The following MARK2 variants were observed in gnomAD, a reference collection of about 807,000 sequenced individuals.
MARK2 encodes serine/threonine-protein kinase MARK2.
In MARK2, 16 loss-of-function variants were observed where a neutral mutation model predicts 89.8. The ratio of observed to expected loss-of-function variants is 0.18; its 90% CI spans 0.12 to 0.27. The LOEUF is 0.27. Among genes scored for constraint, MARK2 ranks in the 10% least tolerant of loss-of-function variants. The pLI, the probability that MARK2 is intolerant of heterozygous loss-of-function variation, is 1.00. For synonymous variants in MARK2, 382 were observed against 399.5 expected (o/e 0.96, Z 0.52); for missense variants, 621 against 1,049.9 (o/e 0.59, Z 5.65).
chr11:63,876,376 T>C (rs1387902695), intron 1 of MARK2, among the ~76,000 whole-genome samples: 1 of 152,272 alleles, frequency 6.6e-6, no homozygotes, highest in Non-Finnish European at 1.5e-5. Flanking sequence ...AAAGGATATG[T>C]AATTATAGAA....
chr11:63,893,952 T>C (rs1199011149), intron 1 of MARK2, among the ~76,000 whole-genome samples: 1 of 152,196 alleles, frequency 6.6e-6, no homozygotes, highest in African/African-American at 2.4e-5. Context: ...TCCAAAACAA[T>C]TTAAAATCTG....
At position 63,900,039 on chromosome 11, in the gene MARK2, G is replaced by A. The variant is rs1476842866; in HGVS notation, c.697G>A (p.Val233Met). ...AAAATATGATGGACCCGAGGTGGAT[G>A]TGTGGAGCCTAGGAGTTATCCTCTA... Reference protein sequence around the residue: ...GKKYDGPEVDVWSLGVILYTL... With the variant: ...GKKYDGPEVDMWSLGVILYTL... The change falls in exon 8 of 19, where the codon GTG becomes ATG. Residue 233 changes from valine to methionine, a missense_variant. By Grantham distance (21) the Val-to-Met change is conservative. This residue lies in a region of MARK2 where 82 missense variants were observed against 287.7 expected (regional missense o/e 0.29). Coordinates refer to ENST00000402010, the MANE Select transcript of MARK2 (RefSeq NM_001039469.3). The surrounding 1 kb of genome is among the most constrained non-coding windows in gnomAD (Gnocchi z 4.7). 2 of 1,614,246 alleles carry A rather than the reference G, an allele frequency of 1.2e-6. No individual in the cohort carries two copies. The highest frequency in any genetic ancestry group is 1.7e-6 in the Non-Finnish European group (2 of 1,180,048).
rs745714945 is a variant in MARK2, at chr11:63,909,001, A to T, written c.2131A>T (p.Met711Leu). ...TTSSMEPNEM[M>L]REIRKVLDAN... Reference sequence around the variant, plus strand: ...GAGCTCCATGGAGCCCAACGAGATGATGCGGGAGATCCGCAAGGTGCTGGA... The same window carrying T: ...GAGCTCCATGGAGCCCAACGAGATGTTGCGGGAGATCCGCAAGGTGCTGGA... The change falls in exon 19 of 19, where the codon ATG (methionine) becomes TTG (leucine). Residue 711 changes from methionine to leucine, a missense_variant. Coordinates refer to ENST00000402010, the MANE Select transcript of MARK2 (RefSeq NM_001039469.3). 3.2e-6 allele frequency: 5 copies of T among 1,583,424 alleles called. No homozygotes were observed. Among genetic ancestry groups the T allele is most frequent in the Non-Finnish European group, 4.3e-6 (5 of 1,155,508 alleles).
At position 63,904,072 on chromosome 11, in the gene MARK2, T is replaced by C. The variant is rs1464148812; in HGVS notation, c.1601T>C (p.Met534Thr). ...AARPRQHQKSMSASVHPNKAS... is the reference protein window; with the variant it reads ...AARPRQHQKSTSASVHPNKAS... Reference sequence around the variant, plus strand: ...CGGCCCCGCCAGCACCAGAAATCCATGTCGGCCTCCGTGCACCCCAACAAG... The same window carrying C: ...CGGCCCCGCCAGCACCAGAAATCCACGTCGGCCTCCGTGCACCCCAACAAG... Residue 534 changes from methionine (M) to threonine (T), a missense_variant, in exon 15 of 19, where the codon ATG (methionine) becomes ACG (threonine). By Grantham distance (81) the Met-to-Thr change is moderately conservative (BLOSUM62 -1). Coordinates refer to ENST00000402010, the MANE Select transcript of MARK2 (RefSeq NM_001039469.3). The surrounding 1 kb of genome is among the most constrained non-coding windows in gnomAD (Gnocchi z 6.3). The C allele has an allele frequency of 3.1e-6, 5 of 1,607,228 alleles. No individual in the cohort carries two copies. The highest frequency in any genetic ancestry group is 1.7e-5 in the Admixed American group (1 of 59,920).
Position 63,906,121 on chromosome 11 carries a change from G to T in MARK2, c.1961+7G>T. ...CTTTCAGGTTTGCCAGAAGGTAGGC[G>T]TTGAGCCCGCTGTGTGTGTGTGTGT... On this transcript the variant is annotated splice_region_variant and intron_variant, in intron 17 of 18. Transcript: ENST00000402010. 1 of 1,313,660 alleles carries T rather than the reference G, an allele frequency of 7.6e-7. No homozygotes were observed. 81.4% of individuals were successfully genotyped at this position (1,313,660 alleles called of 1,614,324 possible).
At chr11:63,874,906 T>C (rs1043936046) in intron 1 of MARK2, among the ~76,000 whole-genome samples, 1 of 152,154 alleles carries the variant, frequency 6.6e-6, no homozygotes, top group Non-Finnish European at 1.5e-5. Context: ...GGGAAAAGTC[T>C]GTTCCCATGG....
At position 63,900,497 on chromosome 11, in the gene MARK2, A is replaced by G. The variant is rs1408535532; in HGVS notation, c.769-62A>G. 13 of 1,579,352 alleles carry G rather than the reference A, an allele frequency of 8.2e-6. No homozygotes were observed. Among genetic ancestry groups the G allele is most frequent in the South Asian group, 1.1e-5 (1 of 88,194 alleles). On this transcript the variant is annotated intron_variant, in intron 8 of 18. Transcript: ENST00000402010. The surrounding 1 kb of genome is among the most constrained non-coding windows in gnomAD (Gnocchi z 4.7). ...GGCTTAAGCTCTCAGGATCTTGGAT[A>G]TTAGGTTTCTTCCTTTGGCCTTGGG...
Position 63,888,616 on chromosome 11 carries a change from C to A in MARK2, c.55-6543C>A, listed in dbSNP as rs545525681. 5 of 1,145,962 alleles carry A rather than the reference C, an allele frequency of 4.4e-6. No homozygotes were observed. The African/African-American group carries it at 6.5e-5, about 15-fold the overall frequency. The allele number at this position is 1,145,962 out of a possible 1,614,324, so 71.0% of individuals were successfully genotyped here. ...TCTGGTGTGCTGTCCTGGAATTGCA[C>A]GCGCTTCCTGACCACCAGGCTCTGG... On this transcript the variant is annotated intron_variant, in intron 1 of 18. Coordinates refer to ENST00000402010, the MANE Select transcript of MARK2 (RefSeq NM_001039469.3).
chr11:63,877,508 G>A (rs1020180295), intron 1 of MARK2, among the ~76,000 whole-genome samples: 1 of 151,922 alleles, frequency 6.6e-6, no homozygotes, highest in African/African-American at 2.4e-5. Flanking sequence ...AGAGGAGCTT[G>A]GGCAACATGG....
chr11:63,873,007 G>T (rs189023955), intron 1 of MARK2, among the ~76,000 whole-genome samples: 26 of 151,412 alleles, frequency 1.7e-4, no homozygotes, highest in Admixed American at 7.9e-4. Context: ...ATTCCGGGGC[G>T]CATGAGTATG....
chr11:63,862,443 G>A (rs1296902133), intron 1 of MARK2, among the ~76,000 whole-genome samples: 1 of 138,604 alleles, frequency 7.2e-6, no homozygotes, highest in African/African-American at 2.6e-5. Flanking sequence ...CTCCCAGTCA[G>A]TGTGAGGCAG....
intron 1 of MARK2, among the ~76,000 whole-genome samples, chr11:63,858,635 G>A (rs1364876888): frequency 1.3e-5 from 2 of 152,210 alleles, no homozygotes; most frequent in African/African-American, 4.8e-5. Context: ...TTACAGGCCT[G>A]AGCCACTGTG....
At position 63,901,010 on chromosome 11, in the gene MARK2, G is replaced by A; in HGVS notation, c.1042G>A (p.Gly348Ser). The change falls in exon 11 of 19, where the codon GGC becomes AGC. Residue 348 changes from glycine to serine, a missense_variant. Physicochemically the swap from Gly to Ser is moderately conservative, Grantham distance 56. This residue lies in a region of MARK2 where 397 missense variants were observed against 567.8 expected (regional missense o/e 0.70). Transcript: ENST00000402010. ...TREEIQDSLV[G>S]QRYNEVMATY... The stretch of plus-strand genomic sequence containing the variant: ...GGAAGAGATCCAGGACTCGCTGGTG[G>A]GCCAGAGATACAACGAGGTGATGGC... 1 of 1,614,158 alleles carries A rather than the reference G, an allele frequency of 6.2e-7. No homozygotes were observed. The highest frequency in any genetic ancestry group is 8.5e-7 in the Non-Finnish European group (1 of 1,180,006).
In MARK2 at chr11:63,839,497, T is replaced by C; in HGVS notation, c.-10T>C. On this transcript the variant is annotated 5_prime_UTR_variant, in exon 1 of 19. Transcript: ENST00000402010. ...AGCTTCTCGGTTCCCTCCCCCGAGA[T>C]ACCGGCGCCATGTCCAGCGCTCGGA... The C allele has an allele frequency of 1.3e-6, 2 of 1,522,138 alleles. No individual in the cohort carries two copies. Among genetic ancestry groups the C allele is most frequent in the East Asian group, 2.6e-5 (1 of 38,504 alleles). 94.3% of individuals were successfully genotyped at this position (1,522,138 alleles called of 1,614,324 possible). A position where few individuals can be genotyped will look rare whatever the true frequency, so the allele number is the denominator to read the frequency against.
chr11:63,908,470 A>G (rs1017185353), intron 18 of MARK2, among the ~76,000 whole-genome samples, 166 bp downstream of exon 18: 13 of 151,916 alleles, frequency 8.6e-5, no homozygotes, highest in Non-Finnish European at 1.6e-4. Flanking sequence ...CCCAAACCCA[A>G]TTGCAGGAGT....
At chr11:63,883,675 C>T (rs1282403873) in intron 1 of MARK2, among the ~76,000 whole-genome samples, 2 of 152,130 alleles carry the variant, frequency 1.3e-5, no homozygotes, top group Non-Finnish European at 2.9e-5. Flanking sequence ...AGCCTACCTC[C>T]CTGGGCTCAG....
rs1466396958 is a variant in MARK2, at chr11:63,865,538, GT to G, written c.54+25980del. 2.0e-5 allele frequency among the ~76,000 whole-genome samples: 3 copies of G among 152,340 alleles called. No homozygotes were observed. In the East Asian group the frequency reaches 5.8e-4, roughly 29 times the overall value. ...AGAGGTAGCTGCTATTCACTCAGGT[GT>G]TCTTTAATGCTGTGGCCACGGCTTC... On this transcript the variant is annotated intron_variant, in intron 1 of 18. Coordinates refer to ENST00000402010, the MANE Select transcript of MARK2 (RefSeq NM_001039469.3).
chr11:63,853,111 A>C (rs887944323), intron 1 of MARK2, among the ~76,000 whole-genome samples: 4 of 152,232 alleles, frequency 2.6e-5, no homozygotes, highest in African/African-American at 4.8e-5. Context: ...ATTAAATTAA[A>C]GATTTAGCCA....
intron 1 of MARK2, among the ~76,000 whole-genome samples, chr11:63,855,711 T>C (rs1341903283): frequency 6.6e-6 from 1 of 152,202 alleles, no homozygotes; most frequent in African/African-American, 2.4e-5. Context: ...TTCAACTACA[T>C]GTCTCTGTGA....
Sources: gnomAD v4.1 joint callset for allele counts (sites outside exome capture counted in the v4.1 genomes callset) on GRCh38, gnomAD v4.1.1 for gene constraint, gnomAD v4.1.1 regional missense constraint, Gnocchi (gnomAD v3.1) non-coding constraint, MANE v1.5 for transcripts, NCBI Gene and HGNC (gene_info 2026-07-23, HGNC 2026-07-21) for gene names.